The following TNFSF4 variants were observed in gnomAD, a reference collection of about 807,000 sequenced individuals.
TNFSF4 encodes the protein tumor necrosis factor ligand superfamily member 4.
TNFSF4 carries 4 observed loss-of-function variants against 7.3 expected under a neutral mutation model. The ratio of observed to expected loss-of-function variants is 0.55; its 90% CI spans 0.27 to 1.25. The LOEUF is 1.25. Ranked by LOEUF, TNFSF4 falls within the 50% of genes most tolerant of loss-of-function variation. TNFSF4 has a pLI of 0.12. For missense variants in TNFSF4, 181 were observed against 208.8 expected (o/e 0.87, Z 0.82); for synonymous variants, 76 against 83.7 (o/e 0.91, Z 0.50).
chr1:173,367,844 T>C, the TNFSF4 span, among the ~76,000 whole-genome samples: 3 of 152,176 alleles, frequency 2.0e-5, no homozygotes, highest in African/African-American at 7.2e-5. Flanking sequence ...CCTACACCTG[T>C]CTCTACAGCA....
chr1:173,250,394 T>C, the TNFSF4 span, among the ~76,000 whole-genome samples: 2 of 152,194 alleles, frequency 1.3e-5, no homozygotes, highest in African/African-American at 4.8e-5. Context: ...TCATGTCTTA[T>C]ATGTACAAAG....
chr1:173,261,939 T>C, the TNFSF4 span, among the ~76,000 whole-genome samples: 1 of 152,078 alleles, frequency 6.6e-6, no homozygotes, highest in African/African-American at 2.4e-5. Flanking sequence ...TGAAACTATT[T>C]CAAAAAATTG....
chr1:173,280,577 CAA>C, the TNFSF4 span, among the ~76,000 whole-genome samples: 1 of 152,090 alleles, frequency 6.6e-6, no homozygotes, highest in Non-Finnish European at 1.5e-5. Flanking sequence ...CTAACAACGA[CAA>C]GTTAGTTTTT....
the TNFSF4 span, among the ~76,000 whole-genome samples, chr1:173,257,981 C>T: frequency 1.3e-5 from 2 of 152,142 alleles, no homozygotes; most frequent in Non-Finnish European, 2.9e-5. Context: ...CTGAGTCATT[C>T]GTTAGCAGGA....
chr1:173,227,824 G>A, the TNFSF4 span, among the ~76,000 whole-genome samples: 3 of 152,258 alleles, frequency 2.0e-5, no homozygotes, highest in Non-Finnish European at 4.4e-5. Flanking sequence ...CACCCCCACA[G>A]AGCCTTGCTA....
the TNFSF4 span, among the ~76,000 whole-genome samples, chr1:173,326,882 G>T: frequency 5.3e-4 from 80 of 152,268 alleles, no homozygotes; most frequent in Middle Eastern, 6.8e-3. Flanking sequence ...ACAAACAAAT[G>T]GAAGAACATT....
the TNFSF4 span, among the ~76,000 whole-genome samples, chr1:173,357,546 T>G: frequency 2.0e-5 from 3 of 152,038 alleles, no homozygotes; most frequent in Non-Finnish European, 4.4e-5. Context: ...GCCTTTTTTT[T>G]TTGAGATGGA....
At chr1:173,351,109 T>C in the TNFSF4 span, among the ~76,000 whole-genome samples, 1 of 152,228 alleles carries the variant, frequency 6.6e-6, no homozygotes, top group South Asian at 2.1e-4. Flanking sequence ...CAAAGCCTTA[T>C]ATTATCTGGA....
chr1:173,270,630 C>T, the TNFSF4 span, among the ~76,000 whole-genome samples: 2 of 152,060 alleles, frequency 1.3e-5, no homozygotes, highest in African/African-American at 4.8e-5. Flanking sequence ...CATGGTGGTA[C>T]ATTTTTTCCC....
the TNFSF4 span, among the ~76,000 whole-genome samples, chr1:173,256,098 A>C: frequency 6.6e-6 from 1 of 152,220 alleles, no homozygotes; most frequent in Admixed American, 6.5e-5. Context: ...ATTTTGCCCC[A>C]ATTGTCCATA....
At chr1:173,377,121 C>T in the TNFSF4 span, among the ~76,000 whole-genome samples, 1 of 152,206 alleles carries the variant, frequency 6.6e-6, no homozygotes, top group African/African-American at 2.4e-5. Context: ...TGGCTTCATT[C>T]TTGAAGTCAG....
chr1:173,368,514 A>T, the TNFSF4 span, among the ~76,000 whole-genome samples: 1 of 152,188 alleles, frequency 6.6e-6, no homozygotes, highest in Non-Finnish European at 1.5e-5. Flanking sequence ...TGGCCAGTTA[A>T]AAGTGACTAG....
the TNFSF4 span, among the ~76,000 whole-genome samples, chr1:173,376,075 G>T: frequency 6.6e-6 from 1 of 152,078 alleles, no homozygotes; most frequent in Non-Finnish European, 1.5e-5. Context: ...CTATGACCAT[G>T]GTTCTCAACA....
chr1:173,259,919 T>C, the TNFSF4 span, among the ~76,000 whole-genome samples: 1 of 152,296 alleles, frequency 6.6e-6, no homozygotes, highest in South Asian at 2.1e-4. Flanking sequence ...AACATACTTC[T>C]GGATATCATG....
At chr1:173,430,829 T>C in the TNFSF4 span, among the ~76,000 whole-genome samples, 1 of 152,224 alleles carries the variant, frequency 6.6e-6, no homozygotes, top group Non-Finnish European at 1.5e-5. Flanking sequence ...TAAGACACTC[T>C]TCCTCCAGTG....
At chr1:173,209,029 A>G (rs901261700), upstream of TNFSF4, among the ~76,000 whole-genome samples, 1 of 152,214 alleles carries the variant, frequency 6.6e-6, no homozygotes, top group Non-Finnish European at 1.5e-5. Flanking sequence ...CAGTGTTAAT[A>G]TCATGGCTCC....
chr1:173,445,467 C>T, the TNFSF4 span, among the ~76,000 whole-genome samples: 1 of 152,130 alleles, frequency 6.6e-6, no homozygotes, highest in East Asian at 1.9e-4. Flanking sequence ...TCATTCCCTC[C>T]CCCATTTTCA....
At chr1:173,183,651 C>T (rs1377297650), downstream of TNFSF4, 1 of 152,056 alleles carries the variant, frequency 6.6e-6, no homozygotes, top group Non-Finnish European at 1.5e-5. Flanking sequence ...AAGCTTGCCC[C>T]GTCCTCCCCT....
chr1:173,186,472 G>T lies in TNFSF4; in HGVS notation c.*44C>A. 6.7e-7 allele frequency: 1 copy of T among 1,487,170 alleles called. No homozygotes were observed. Among genetic ancestry groups the T allele is most frequent in the South Asian group, 1.3e-5 (1 of 79,826 alleles). 92.1% of individuals were successfully genotyped at this position (1,487,170 alleles called of 1,614,324 possible). ...TCCATGCCCTGTCCACCCCCAGCTT[G>T]GTGTTCATGCTGGTGCCTGGTTTTA... On this transcript the variant is annotated 3_prime_UTR_variant, in exon 3 of 3. Coordinates refer to ENST00000281834, the MANE Select transcript of TNFSF4 (RefSeq NM_003326.5).
Sources: gnomAD v4.1 joint callset for allele counts (sites outside exome capture counted in the v4.1 genomes callset) on GRCh38, gnomAD v4.1.1 for gene constraint, MANE v1.5 for transcripts, NCBI Gene and HGNC (gene_info 2026-07-23, HGNC 2026-07-21) for gene names.